Variants in FAM163B observed in about 807,000 individuals in gnomAD.
The protein encoded by FAM163B is family with sequence similarity 163 member B.
In FAM163B, 4 loss-of-function variants were observed where a neutral mutation model predicts 7.6. The ratio of observed to expected loss-of-function variants is 0.52; its 90% CI spans 0.26 to 1.20. The LOEUF (loss-of-function observed/expected upper bound fraction) is 1.20. Among genes scored for constraint, FAM163B ranks in the 50% most tolerant of loss-of-function variants. The pLI, the probability that FAM163B is intolerant of heterozygous loss-of-function variation, is 0.14. For missense variants in FAM163B, 250 were observed against 243.0 expected (o/e 1.03, Z -0.19); for synonymous variants, 120 against 111.6 (o/e 1.07, Z -0.47).
chr9:133,602,227 C>T (rs975485195), intron 1 of FAM163B, among the ~76,000 whole-genome samples: 6 of 152,268 alleles, frequency 3.9e-5, no homozygotes, highest in South Asian at 2.1e-4. Context: ...CGGTGGATGA[C>T]GACGGATGAG....
At chr9:133,604,263 C>T (rs1408690133) in intron 1 of FAM163B, among the ~76,000 whole-genome samples, 1 of 152,200 alleles carries the variant, frequency 6.6e-6, no homozygotes, top group African/African-American at 2.4e-5. Context: ...TGTGGATGGC[C>T]TACATGACTG....
chr9:133,599,963 GCA>G (rs1311933698), intron 1 of FAM163B, among the ~76,000 whole-genome samples: 1 of 110,154 alleles, frequency 9.1e-6, no homozygotes, highest in Non-Finnish European at 2.0e-5. Context: ...GTGCGTGTGT[GCA>G]TGTGTGTGTG....
At chr9:133,587,645 G>T (rs1164123570) in intron 1 of FAM163B, among the ~76,000 whole-genome samples, 2 of 152,182 alleles carry the variant, frequency 1.3e-5, no homozygotes, top group Non-Finnish European at 2.9e-5. Context: ...ACCAGGCAGG[G>T]TGTGGGAGGA....
chr9:133,579,039 T>C lies in FAM163B; in HGVS notation c.484A>G (p.Ile162Val). ...GGCCCAGGTCACACGTCGGTGCTGA[T>C]GCTGCGGCTCCTGGCGAAGGCCTCC... Reference protein sequence around the residue: ...MREAFARSRSISTDV With the variant: ...MREAFARSRSVSTDV Residue 162 changes from isoleucine (I) to valine (V), a missense_variant, in exon 3 of 3, where the codon ATC becomes GTC. Physicochemically the swap from Ile to Val is conservative, Grantham distance 29 (BLOSUM62 3). Coordinates refer to ENST00000673969, the MANE Select transcript of FAM163B (RefSeq NM_001080515.3). The C allele has an allele frequency of 1.3e-6, 2 of 1,557,526 alleles. No homozygotes were observed. The highest frequency in any genetic ancestry group is 1.7e-6 in the Non-Finnish European group (2 of 1,153,578).
chr9:133,593,797 C>A (rs1432637089), intron 1 of FAM163B, among the ~76,000 whole-genome samples: 1 of 152,246 alleles, frequency 6.6e-6, no homozygotes, highest in Non-Finnish European at 1.5e-5. Flanking sequence ...AGATTCGCAC[C>A]CCGGCCCCGA....
At chr9:133,595,566 C>T (rs539275351) in intron 1 of FAM163B, among the ~76,000 whole-genome samples, 1 of 152,144 alleles carries the variant, frequency 6.6e-6, no homozygotes, top group South Asian at 2.1e-4. Context: ...CCCCGATCTC[C>T]CCCTCCCTCC....
chr9:133,587,093 G>A (rs1200460711), intron 1 of FAM163B, among the ~76,000 whole-genome samples: 2 of 152,220 alleles, frequency 1.3e-5, no homozygotes, highest in East Asian at 3.8e-4. Flanking sequence ...CTGAGCAATG[G>A]AAAAGCCGAC....
In FAM163B at chr9:133,579,176, T is replaced by TTCAGCA. The variant is rs1303593890; in HGVS notation, c.341_346dup (p.Leu115_Asn116insMetLeu). The TTCAGCA allele has an allele frequency of 6.2e-7, 1 of 1,611,622 alleles. No individual in the cohort carries two copies. On this transcript the variant is annotated inframe_insertion, in exon 3 of 3. Coordinates refer to ENST00000673969, the MANE Select transcript of FAM163B (RefSeq NM_001080515.3). ...CTTGTAGAGCACGCGCTCCCCGCCG[T>TTCAGCA]TCAGCACGTCCTCTTCCTCCTCCGG... is the stretch of plus-strand genomic sequence containing the variant.
In FAM163B at chr9:133,578,998, C is replaced by T; in HGVS notation, c.*24G>A. 1 of 1,478,236 alleles carries T rather than the reference C, an allele frequency of 6.8e-7. No individual in the cohort carries two copies. Among genetic ancestry groups the T allele is most frequent in the Non-Finnish European group, 9.0e-7 (1 of 1,114,582 alleles). 91.6% of individuals were successfully genotyped at this position (1,478,236 alleles called of 1,614,324 possible). On this transcript the variant is annotated 3_prime_UTR_variant, in exon 3 of 3. Transcript: ENST00000673969. Reference sequence around the variant, plus strand: ...CCCATTGTCTCAGGACCTTCAAGGCCAGGATCCCGGGGGCGGGCCCAGGTC... The same window carrying T: ...CCCATTGTCTCAGGACCTTCAAGGCTAGGATCCCGGGGGCGGGCCCAGGTC...
chr9:133,601,411 GTC>G lies in FAM163B; in HGVS notation c.-24+7664_-24+7665del, dbSNP rs537955211. 3.3e-5 allele frequency among the ~76,000 whole-genome samples: 5 copies of G among 152,320 alleles called. No homozygotes were observed. The East Asian group carries it at 7.7e-4, about 23-fold the overall frequency. ...CGAGTGGAGGTGTGCTGTTGAAAGG[GTC>G]TGTCTTGCAGGTGAGAGGATTTTTT... On this transcript the variant is annotated intron_variant, in intron 1 of 2. Coordinates refer to ENST00000673969, the MANE Select transcript of FAM163B (RefSeq NM_001080515.3). This position sits in a 1 kb window ranked among gnomAD's most constrained non-coding sequence, Gnocchi z 4.1.
chr9:133,578,224 C>T lies in FAM163B; in HGVS notation c.*798G>A, dbSNP rs1041724281. Among the ~76,000 whole-genome samples, 8 of 152,286 alleles carry T rather than the reference C, an allele frequency of 5.3e-5. No individual in the cohort carries two copies. The East Asian group carries it at 1.6e-3, about 30-fold the overall frequency. The stretch of plus-strand genomic sequence containing the variant: ...CCTCCGTTCACTGCCGCTTGCTGGC[C>T]CTGTTTCTGGCTGAGCACTGGGTCT... On this transcript the variant is annotated 3_prime_UTR_variant, in exon 3 of 3. Coordinates refer to ENST00000673969, the MANE Select transcript of FAM163B (RefSeq NM_001080515.3).
At chr9:133,605,719 TG>T (rs886695151) in intron 1 of FAM163B, among the ~76,000 whole-genome samples, 8 of 152,130 alleles carry the variant, frequency 5.3e-5, no homozygotes, top group African/African-American at 1.9e-4. Flanking sequence ...ACTGCCTACG[TG>T]CGGCCCATCC....
intron 1 of FAM163B, among the ~76,000 whole-genome samples, chr9:133,590,075 TCC>T (rs1564193459): frequency 4.1e-5 from 1 of 24,504 alleles, no homozygotes; most frequent in Non-Finnish European, 7.9e-5. Context: ...CCCCTTCCCT[TCC>T]CCTTCCCCTT....
At position 133,580,215 on chromosome 9, in the gene FAM163B, G is replaced by A. The variant is rs1831335700; in HGVS notation, c.9C>T (p.Ala3=). The A allele has an allele frequency of 1.8e-5, 29 of 1,613,282 alleles. No homozygotes were observed. Among genetic ancestry groups the A allele is most frequent in the East Asian group, 2.2e-5 (1 of 44,898 alleles). Residue 3 remains alanine (A), a synonymous_variant, in exon 2 of 3, where the codon GCC becomes GCT. Transcript: ENST00000673969. MT[A]GTVVITGGIL... is the part of the protein sequence containing the mutation. Reference sequence around the variant, plus strand: ...TGCCCCCGGTGATGACCACGGTCCCGGCTGTCATCCGCCCCCTTCTCCATC... The same window carrying A: ...TGCCCCCGGTGATGACCACGGTCCCAGCTGTCATCCGCCCCCTTCTCCATC...
At position 133,600,259 on chromosome 9, in the gene FAM163B, C is replaced by CTGTG. The variant is rs3074996; in HGVS notation, c.-24+8814_-24+8817dup. On this transcript the variant is annotated intron_variant, in intron 1 of 2. Coordinates refer to ENST00000673969, the MANE Select transcript of FAM163B (RefSeq NM_001080515.3). The surrounding 1 kb of genome is among the most constrained non-coding windows in gnomAD (Gnocchi z 4.9). ...CTGTGTGCATGTGTGTGAGTGTGGT[C>CTGTG]TGTGTGTGTGTGTGTGTGTGTGTGT... 3.5e-3 allele frequency among the ~76,000 whole-genome samples: 517 copies of CTGTG among 146,548 alleles called. No individual in the cohort carries two copies. Among genetic ancestry groups the CTGTG allele is most frequent in the African/African-American group, 9.0e-3 (358 of 39,884 alleles).
intron 1 of FAM163B, among the ~76,000 whole-genome samples, chr9:133,607,265 C>T (rs1286204449): frequency 1.3e-5 from 2 of 152,200 alleles, no homozygotes; most frequent in East Asian, 1.9e-4. Flanking sequence ...TGCCCAAGGT[C>T]ACCCAAAAAG....
intron 1 of FAM163B, among the ~76,000 whole-genome samples, chr9:133,607,489 G>A (rs1274711680): frequency 6.6e-6 from 1 of 152,230 alleles, no homozygotes; most frequent in Non-Finnish European, 1.5e-5. Context: ...TCTGAGTGGT[G>A]TCAGCACGTC....
In FAM163B at chr9:133,577,187, C is replaced by T. The variant is rs774981498; in HGVS notation, c.*1835G>A. ...AGCTGGGAGGGATGGGTGCTTACTT[C>T]GTTTCAAAGAGATCTACATATCTAC... On this transcript the variant is annotated 3_prime_UTR_variant, in exon 3 of 3. Coordinates refer to ENST00000673969, the MANE Select transcript of FAM163B (RefSeq NM_001080515.3). Among the ~76,000 whole-genome samples, 256 of 150,818 alleles carry T rather than the reference C, an allele frequency of 1.7e-3. 1 individual carries two copies. The highest frequency in any genetic ancestry group is 2.8e-3 in the Non-Finnish European group (190 of 67,508).
chr9:133,604,791 C>T (rs1055183633), intron 1 of FAM163B, among the ~76,000 whole-genome samples: 12 of 152,108 alleles, frequency 7.9e-5, no homozygotes, highest in Non-Finnish European at 1.5e-4. Context: ...TCCCCGAACC[C>T]CATCTGGAGT....
Sources: allele counts gnomAD v4.1 joint callset (sites outside exome capture counted in the v4.1 genomes callset), GRCh38; gene constraint gnomAD v4.1.1; non-coding constraint Gnocchi (gnomAD v3.1); transcripts MANE v1.5; gene names NCBI Gene and HGNC (gene_info 2026-07-23, HGNC 2026-07-21).